MACROD1: variants seen among roughly 807,000 people sequenced by gnomAD.
The protein encoded by MACROD1 is mono-ADP ribosylhydrolase 1.
MACROD1 carries 31 observed loss-of-function variants against 41.4 expected under a neutral mutation model. That is an observed-to-expected ratio of 0.75 (90% CI 0.56 to 1.01). MACROD1 has a LOEUF of 1.01. Ranked by LOEUF, MACROD1 falls within the 50% of genes least tolerant of loss-of-function variation. The pLI, the probability that MACROD1 is intolerant of heterozygous loss-of-function variation, is 0.00. For synonymous variants in MACROD1, 252 were observed against 203.4 expected, an observed-to-expected ratio of 1.24 and a Z score of -2.03; for missense variants, 473 against 460.0, an observed-to-expected ratio of 1.03 and a Z score of -0.26.
At chr11:64,022,199 C>T (rs1219860977) in intron 3 of MACROD1, among the ~76,000 whole-genome samples, 1 of 151,918 alleles carries the variant, frequency 6.6e-6, no homozygotes, top group Non-Finnish European at 1.5e-5. Context: ...GAGGGATGAA[C>T]CGCACAGGGA....
intron 3 of MACROD1, among the ~76,000 whole-genome samples, chr11:64,128,893 T>C (rs1393414407): frequency 6.6e-6 from 1 of 151,908 alleles, no homozygotes; most frequent in African/African-American, 2.4e-5. Flanking sequence ...GAAGAGTGAG[T>C]CGATAAACAG....
chr11:64,053,022 G>C lies in MACROD1; in HGVS notation c.518-37741C>G, dbSNP rs562207204. The stretch of plus-strand genomic sequence containing the variant: ...TTACATTCGGTTGCTTACACCCCGG[G>C]CTCTCAACTGCAGCCAAACAGTGCG... On this transcript the variant is annotated intron_variant, in intron 3 of 10. Transcript: ENST00000255681. Among the ~76,000 whole-genome samples the C allele has an allele frequency of 2.1e-4, 32 of 152,326 alleles. No homozygotes were observed. In the East Asian group the frequency reaches 5.8e-3, roughly 28 times the overall value.
rs533115928 is a variant in MACROD1, at chr11:64,151,157, C to T, written c.517+82G>A. 621 of 1,202,830 alleles carry T rather than the reference C, an allele frequency of 5.2e-4. 4 individuals carry two copies. Among genetic ancestry groups the T allele is most frequent in the Non-Finnish European group, 5.8e-4 (482 of 828,346 alleles). The allele number at this position is 1,202,830 out of a possible 1,614,324, so 74.5% of individuals were successfully genotyped here. On this transcript the variant is annotated intron_variant, in intron 3 of 10. Transcript: ENST00000255681. ...CCCGAGCCTCACTGGAGCCAGGTGG[C>T]GTCCACCCAGGCCTGGCACAGCAGA...
At chr11:64,158,972 G>A (rs1363852559) in intron 1 of MACROD1, among the ~76,000 whole-genome samples, 2 of 151,856 alleles carry the variant, frequency 1.3e-5, no homozygotes. Context: ...GATTGCTTGA[G>A]CTCATGAGTT....
At chr11:64,069,985 G>A (rs1273578779) in intron 3 of MACROD1, among the ~76,000 whole-genome samples, 6 of 152,168 alleles carry the variant, frequency 3.9e-5, no homozygotes, top group African/African-American at 1.4e-4. Flanking sequence ...GGGCAGAGCA[G>A]GGGGCCAGGA....
intron 3 of MACROD1, among the ~76,000 whole-genome samples, chr11:64,076,341 C>T (rs1284362928): frequency 6.6e-6 from 1 of 152,220 alleles, no homozygotes; most frequent in Non-Finnish European, 1.5e-5. Context: ...AGGGACAGGT[C>T]TGGAGTCTCC....
intron 1 of MACROD1, among the ~76,000 whole-genome samples, chr11:64,164,476 G>T (rs1260989555): frequency 6.6e-6 from 1 of 152,232 alleles, no homozygotes; most frequent in Non-Finnish European, 1.5e-5. Context: ...TCTCTGTGGG[G>T]ACAGTGGCTC....
At chr11:64,072,623 G>A (rs1944131087) in intron 3 of MACROD1, among the ~76,000 whole-genome samples, 1 of 152,192 alleles carries the variant, frequency 6.6e-6, no homozygotes, top group African/African-American at 2.4e-5. Flanking sequence ...CATCAGATGG[G>A]GATAACAAAG....
At chr11:64,053,487 T>C (rs1317299601) in intron 3 of MACROD1, among the ~76,000 whole-genome samples, 1 of 151,056 alleles carries the variant, frequency 6.6e-6, no homozygotes, top group East Asian at 2.0e-4. Context: ...CCGATGGGAG[T>C]GTGGCCAGGA....
chr11:64,003,507 G>A (rs999564365), intron 4 of MACROD1, among the ~76,000 whole-genome samples: 1 of 152,174 alleles, frequency 6.6e-6, no homozygotes, highest in Non-Finnish European at 1.5e-5. Flanking sequence ...ATGTGAGCCT[G>A]TGTTTTTTTG....
chr11:64,117,148 G>A (rs770098892), intron 3 of MACROD1: 23 of 1,613,810 alleles, frequency 1.4e-5, no homozygotes, highest in East Asian at 8.9e-5. Context: ...GCCAAGATGC[G>A]TGAGCTGGAG....
intron 3 of MACROD1, among the ~76,000 whole-genome samples, chr11:64,053,699 C>A (rs948871295): frequency 1.3e-5 from 2 of 152,150 alleles, no homozygotes; most frequent in African/African-American, 4.8e-5. Context: ...GCTTAAGGGG[C>A]CTGGAGCCCC....
At chr11:64,109,560 C>T (rs1211873744) in intron 3 of MACROD1, among the ~76,000 whole-genome samples, 1 of 152,062 alleles carries the variant, frequency 6.6e-6, no homozygotes. Flanking sequence ...GTGAGTGTGG[C>T]GTGGAGGAGG....
intron 3 of MACROD1, among the ~76,000 whole-genome samples, chr11:64,147,741 TTA>T (rs34623205): frequency 0.94 from 138,948 of 147,646 alleles, 65,710 homozygotes; most frequent in East Asian, 1. Flanking sequence ...TGATGTTCTA[TTA>T]TATATATATA....
intron 3 of MACROD1, among the ~76,000 whole-genome samples, chr11:64,022,127 G>C (rs1044724548): frequency 6.6e-6 from 1 of 151,946 alleles, no homozygotes; most frequent in African/African-American, 2.4e-5. Flanking sequence ...GGCAAGAGCA[G>C]CCCCTGGGGG....
At chr11:64,001,499 G>A (rs933603454) in intron 4 of MACROD1, 30 of 702,254 alleles carry the variant, frequency 4.3e-5, no homozygotes, top group Non-Finnish European at 6.2e-5. Flanking sequence ...CCTCAGTCTC[G>A]GCACAGTTCC....
intron 3 of MACROD1, among the ~76,000 whole-genome samples, chr11:64,019,864 C>G (rs955225085): frequency 6.6e-6 from 1 of 152,022 alleles, no homozygotes; most frequent in East Asian, 1.9e-4. Flanking sequence ...TGAGCTGAGG[C>G]TTGAAGGATA....
At chr11:64,002,251 C>T (rs1942838304) in intron 4 of MACROD1, among the ~76,000 whole-genome samples, 1 of 152,164 alleles carries the variant, frequency 6.6e-6, no homozygotes, top group African/African-American at 2.4e-5. Flanking sequence ...TCTCTGGGGG[C>T]TCACCGCCCT....
At chr11:64,079,639 C>G (rs1227419766) in intron 3 of MACROD1, among the ~76,000 whole-genome samples, 1 of 152,124 alleles carries the variant, frequency 6.6e-6, no homozygotes, top group Non-Finnish European at 1.5e-5. Flanking sequence ...GGCCTAGAGG[C>G]CCCTCACTCA....
Sources: allele counts gnomAD v4.1 joint callset (sites outside exome capture counted in the v4.1 genomes callset), GRCh38; gene constraint gnomAD v4.1.1; transcripts MANE v1.5; gene names NCBI Gene and HGNC (gene_info 2026-07-23, HGNC 2026-07-21).